The following SIPA1L1 variants were observed in gnomAD, a reference collection of about 807,000 sequenced individuals.
The protein encoded by SIPA1L1 is signal induced proliferation associated 1 like 1, also known as signal-induced proliferation-associated 1-like protein 1.
Under a neutral mutation model 162.7 loss-of-function variants are expected in SIPA1L1, and 26 were observed. The ratio of observed to expected loss-of-function variants is 0.16; its 90% CI spans 0.12 to 0.22. SIPA1L1 has a LOEUF of 0.22. Among genes scored for constraint, SIPA1L1 ranks in the 10% least tolerant of loss-of-function variants. SIPA1L1 has a pLI of 1.00. For missense variants in SIPA1L1, 1,874 were observed against 2,241.0 expected (o/e 0.84, Z 3.31); for synonymous variants, 829 against 837.4 (o/e 0.99, Z 0.17).
chr14:71,658,059 C>T (rs1451356342), intron 8 of SIPA1L1, among the ~76,000 whole-genome samples: 2 of 151,926 alleles, frequency 1.3e-5, no homozygotes, highest in Non-Finnish European at 2.9e-5. Flanking sequence ...TTATTTGATA[C>T]TGTGCGCTTC....
At chr14:71,356,460 G>A (rs2037248915) in intron 2 of SIPA1L1, among the ~76,000 whole-genome samples, 4 of 148,962 alleles carry the variant, frequency 2.7e-5, no homozygotes, top group Admixed American at 2.0e-4. Context: ...GGCCAGGCAC[G>A]TGGCTCATGC....
chr14:71,710,822 A>G (rs865860810), intron 17 of SIPA1L1, among the ~76,000 whole-genome samples: 178 of 151,266 alleles, frequency 1.2e-3, no homozygotes, highest in East Asian at 2.9e-3. Context: ...AAAAAAAAAA[A>G]AAAGAAAGAA....
chr14:71,475,092 T>C (rs981794484), intron 2 of SIPA1L1, among the ~76,000 whole-genome samples: 2 of 152,228 alleles, frequency 1.3e-5, no homozygotes, highest in Non-Finnish European at 2.9e-5. Flanking sequence ...TGTTGACATG[T>C]AATAAAAAAC....
chr14:71,494,778 T>G (rs1182671599), intron 2 of SIPA1L1, among the ~76,000 whole-genome samples: 1 of 152,194 alleles, frequency 6.6e-6, no homozygotes, highest in Non-Finnish European at 1.5e-5. Flanking sequence ...TAGCTGGGAC[T>G]ACAGGTGTGC....
intron 15 of SIPA1L1, among the ~76,000 whole-genome samples, chr14:71,702,976 A>G (rs2082194818): frequency 6.6e-6 from 1 of 152,250 alleles, no homozygotes; most frequent in African/African-American, 2.4e-5. Flanking sequence ...TCACTCTGCT[A>G]TTAAGCTGTC....
At chr14:71,701,350 A>G (rs1323819691) in intron 14 of SIPA1L1, among the ~76,000 whole-genome samples, 1 of 151,344 alleles carries the variant, frequency 6.6e-6, no homozygotes, top group Non-Finnish European at 1.5e-5. Context: ...CCTCCTGAGT[A>G]GCTGGGACTG....
chr14:71,346,185 T>G (rs180823145), intron 2 of SIPA1L1, among the ~76,000 whole-genome samples: 1 of 152,272 alleles, frequency 6.6e-6, no homozygotes, highest in East Asian at 1.9e-4. Context: ...GGATTATAGG[T>G]GTGAGCCACC....
chr14:71,533,586 A>G (rs2053636928), intron 4 of SIPA1L1, among the ~76,000 whole-genome samples: 1 of 152,220 alleles, frequency 6.6e-6, no homozygotes, highest in African/African-American at 2.4e-5. Context: ...GCCACAGATC[A>G]CTATGTAATT....
intron 2 of SIPA1L1, among the ~76,000 whole-genome samples, chr14:71,451,913 T>C (rs1257336955): frequency 1.3e-5 from 2 of 152,140 alleles, no homozygotes; most frequent in Non-Finnish European, 2.9e-5. Context: ...AAGACAAAAA[T>C]GCATGGAATT....
chr14:71,552,964 T>C (rs1454214767), intron 4 of SIPA1L1, among the ~76,000 whole-genome samples: 1 of 152,126 alleles, frequency 6.6e-6, no homozygotes, highest in African/African-American at 2.4e-5. Flanking sequence ...TGGAATTACA[T>C]GTTCAGCTGC....
intron 5 of SIPA1L1, among the ~76,000 whole-genome samples, chr14:71,609,873 GC>G (rs1388914351): frequency 2.0e-5 from 3 of 151,522 alleles, no homozygotes; most frequent in Non-Finnish European, 4.4e-5. Flanking sequence ...CTTCCCCTGC[GC>G]CCCCCACCCC....
chr14:71,435,014 A>G (rs2044269126), intron 2 of SIPA1L1, among the ~76,000 whole-genome samples: 1 of 152,194 alleles, frequency 6.6e-6, no homozygotes, highest in African/African-American at 2.4e-5. Context: ...TTTTGATATT[A>G]TTAACAGTGC....
At chr14:71,422,004 C>T (rs186780572) in intron 2 of SIPA1L1, among the ~76,000 whole-genome samples, 2 of 152,326 alleles carry the variant, frequency 1.3e-5, no homozygotes, top group African/African-American at 4.8e-5. Context: ...AATCCCAGCA[C>T]AGTGGGAAAG....
chr14:71,715,759 C>A (rs1813122870), intron 17 of SIPA1L1, among the ~76,000 whole-genome samples: 1 of 152,242 alleles, frequency 6.6e-6, no homozygotes, highest in Non-Finnish European at 1.5e-5. Flanking sequence ...GTATCTCCCA[C>A]AGCTCTTATA....
intron 2 of SIPA1L1, among the ~76,000 whole-genome samples, chr14:71,340,558 C>T (rs559847498): frequency 7.9e-5 from 12 of 152,296 alleles, no homozygotes; most frequent in African/African-American, 2.9e-4. Context: ...GCTTCCCTAG[C>T]TTTCCGATGC....
chr14:71,702,500 A>G lies in SIPA1L1; in HGVS notation c.3641A>G (p.Gln1214Arg). The G allele has an allele frequency of 6.2e-7, 1 of 1,614,010 alleles. No homozygotes were observed. The highest frequency in any genetic ancestry group is 8.5e-7 in the Non-Finnish European group (1 of 1,179,884). The change falls in exon 15 of 24, where the codon CAG becomes CGG. Residue 1214 changes from glutamine to arginine, a missense_variant. This residue lies in a region of SIPA1L1 where 936 missense variants were observed against 1,051.9 expected (regional missense o/e 0.89). Coordinates refer to ENST00000381232, the MANE Select transcript of SIPA1L1 (RefSeq NM_001386936.1). ...WQRSEDSIAD[Q>R]MEPTCHLPAV... ...AGAAGTGAGGATAGCATTGCTGACCAGATGGGTAAGTAATCAATTTCTACA... is the reference window on the plus strand; with the variant it reads ...AGAAGTGAGGATAGCATTGCTGACCGGATGGGTAAGTAATCAATTTCTACA...
At chr14:71,332,330 A>T (rs2034639979) in intron 2 of SIPA1L1, among the ~76,000 whole-genome samples, 1 of 152,122 alleles carries the variant, frequency 6.6e-6, no homozygotes, top group Non-Finnish European at 1.5e-5. Flanking sequence ...CTAGTGACTT[A>T]TGTGGCCCTT....
intron 2 of SIPA1L1, among the ~76,000 whole-genome samples, chr14:71,463,126 C>CT (rs1442426110): frequency 6.6e-6 from 1 of 152,170 alleles, no homozygotes; most frequent in Non-Finnish European, 1.5e-5. Context: ...TCTTTCAAGT[C>CT]CTTGATGGTG....
At chr14:71,728,888 A>G (rs1204993) in intron 19 of SIPA1L1, among the ~76,000 whole-genome samples, 140,142 of 152,230 alleles carry the variant, frequency 0.92, 64,689 homozygotes, top group East Asian at 1. Context: ...CTCAGTGAAG[A>G]GATACTCAGA....
Sources: gnomAD v4.1 joint callset for allele counts (sites outside exome capture counted in the v4.1 genomes callset) on GRCh38, gnomAD v4.1.1 for gene constraint, gnomAD v4.1.1 regional missense constraint, MANE v1.5 for transcripts, NCBI Gene and HGNC (gene_info 2026-07-23, HGNC 2026-07-21) for gene names.